Variants in ABCB10 observed in about 807,000 individuals in gnomAD.
ABCB10 encodes the protein ATP binding cassette subfamily B member 10, also known as ATP-binding cassette sub-family B member 10, mitochondrial.
ABCB10 carries 54 observed loss-of-function variants against 65.4 expected under a neutral mutation model. The observed-to-expected ratio is 0.83, with a 90% CI of 0.66 to 1.04. The LOEUF is 1.04. Among genes scored for constraint, ABCB10 ranks in the 50% least tolerant of loss-of-function variants. The pLI, the probability that ABCB10 is intolerant of heterozygous loss-of-function variation, is 0.00. For missense variants in ABCB10, 846 were observed against 976.6 expected (o/e 0.87, Z 1.78); for synonymous variants, 418 against 406.5 (o/e 1.03, Z -0.34).
chr1:229,555,048 A>G (rs943031976), intron 1 of ABCB10, among the ~76,000 whole-genome samples: 18 of 152,188 alleles, frequency 1.2e-4, no homozygotes, highest in Non-Finnish European at 2.2e-4. Flanking sequence ...TCCTCCACAC[A>G]GGCACCAACT....
At chr1:229,547,362 T>C in intron 3 of ABCB10, 137 bp downstream of exon 3, 1 of 917,286 alleles carries the variant, frequency 1.1e-6, no homozygotes, top group South Asian at 1.7e-5. Flanking sequence ...TTCCAGCAGC[T>C]TCTGCAACAG....
chr1:229,518,748 G>C, intron 12 of ABCB10, 93 bp downstream of exon 12: 1 of 1,093,474 alleles, frequency 9.1e-7, no homozygotes, highest in East Asian at 2.4e-5. Flanking sequence ...ATTTTCAGTT[G>C]TATCACTTTG....
At chr1:229,520,097 T>C (rs1325417640) in intron 11 of ABCB10, among the ~76,000 whole-genome samples, 1 of 151,970 alleles carries the variant, frequency 6.6e-6, no homozygotes, top group Non-Finnish European at 1.5e-5. Flanking sequence ...ATCACACCAC[T>C]GCACTCCAGC....
chr1:229,553,782 T>C (rs1209272806), intron 1 of ABCB10, among the ~76,000 whole-genome samples: 1 of 151,814 alleles, frequency 6.6e-6, no homozygotes, highest in Non-Finnish European at 1.5e-5. Context: ...GTTCTCCTTT[T>C]AAGCTCTGCC....
chr1:229,537,123 G>A lies in ABCB10; in HGVS notation c.1339+2333C>T, dbSNP rs115769030. Among the ~76,000 whole-genome samples the A allele has an allele frequency of 2.1e-3, 321 of 152,302 alleles. 2 individuals are homozygous for A. Among genetic ancestry groups the A allele is most frequent in the African/African-American group, 7.3e-3 (304 of 41,570 alleles). Reference sequence around the variant, plus strand: ...TACATAGAGACAGAAAGCAAACTTTGGTTGCCAGGAGCTGGCAGGAGGAAG... The same window carrying A: ...TACATAGAGACAGAAAGCAAACTTTAGTTGCCAGGAGCTGGCAGGAGGAAG... On this transcript the variant is annotated intron_variant, in intron 6 of 12. Coordinates refer to ENST00000344517, the MANE Select transcript of ABCB10 (RefSeq NM_012089.3).
In ABCB10 at chr1:229,531,633, C is replaced by T. The variant is rs759692222; in HGVS notation, c.1435+3G>A. The T allele has an allele frequency of 6.2e-7, 1 of 1,613,536 alleles. No individual in the cohort carries two copies. The highest frequency in any genetic ancestry group is 1.1e-5 in the South Asian group (1 of 91,048). ...CTAGCAAAGAAACAATTTTCAGACCCACCGTTAAAAGGCAGCTTGGGCTCT... is the reference window on the plus strand; with the variant it reads ...CTAGCAAAGAAACAATTTTCAGACCTACCGTTAAAAGGCAGCTTGGGCTCT... On this transcript the variant is annotated splice_donor_region_variant and intron_variant, in intron 7 of 12. Coordinates refer to ENST00000344517, the MANE Select transcript of ABCB10 (RefSeq NM_012089.3).
chr1:229,526,414 G>C (rs931469243), intron 9 of ABCB10, among the ~76,000 whole-genome samples: 13 of 152,158 alleles, frequency 8.5e-5, no homozygotes, highest in Admixed American at 8.5e-4. Flanking sequence ...GACAAAGCGG[G>C]GAATCCATCT....
intron 6 of ABCB10, among the ~76,000 whole-genome samples, chr1:229,538,211 G>A (rs142255483): frequency 5.9e-5 from 9 of 152,326 alleles, no homozygotes; most frequent in South Asian, 4.1e-4. Context: ...GAATTTGTCC[G>A]TTGTGAACAG....
Position 229,525,976 on chromosome 1 carries a change from C to T in ABCB10, c.1866G>A (p.Gly622=), listed in dbSNP as rs1444575985. 3 of 1,614,180 alleles carry T rather than the reference C, an allele frequency of 1.9e-6. No individual in the cohort carries two copies. The Admixed American group carries it at 5.0e-5, about 27-fold the overall frequency. ...CCTTTTCTCCAACCACAGTGTTGAA[C>T]CCTTGGGGGAAATTCCGGATGAAGG... ...AVAFIRNFPQ[G]FNTVVGEKGV... Residue 622 remains glycine, a synonymous_variant, in exon 10 of 13, where the codon GGG becomes GGA. Transcript: ENST00000344517.
rs1392297650 is a variant in ABCB10, at chr1:229,516,628, A to G, written c.*1551T>C. The G allele has an allele frequency of 1.3e-5, 2 of 152,214 alleles. No individual in the cohort carries two copies. Among genetic ancestry groups the G allele is most frequent in the African/African-American group, 4.8e-5 (2 of 41,472 alleles). The allele number at this position is 152,214 out of a possible 1,614,324, so 9.4% of individuals were successfully genotyped here. A position where few individuals can be genotyped will look rare whatever the true frequency, so the allele number is the denominator to read the frequency against. On this transcript the variant is annotated 3_prime_UTR_variant, in exon 13 of 13. Coordinates refer to ENST00000344517, the MANE Select transcript of ABCB10 (RefSeq NM_012089.3). ...ATCTATGATATAAAATATTACCTAA[A>G]GATAAAATTGAACATCATGTATCAG...
chr1:229,553,172 G>T (rs116604452), intron 1 of ABCB10, among the ~76,000 whole-genome samples: 5 of 151,872 alleles, frequency 3.3e-5, no homozygotes, highest in Non-Finnish European at 1.5e-5. Flanking sequence ...GTGCAATGGC[G>T]CAATCTCAGC....
chr1:229,548,586 C>T (rs1367450784), intron 2 of ABCB10, among the ~76,000 whole-genome samples: 1 of 152,080 alleles, frequency 6.6e-6, no homozygotes, highest in East Asian at 1.9e-4. Flanking sequence ...AAGCATGGGG[C>T]ATGTAAATGG....
intron 2 of ABCB10, 33 bp from the exon 3 acceptor site, chr1:229,547,734 G>T: frequency 6.2e-7 from 1 of 1,609,570 alleles, no homozygotes; most frequent in Non-Finnish European, 8.5e-7. Context: ...GCTCACCAAG[G>T]GTAAAGACAT....
intron 3 of ABCB10, among the ~76,000 whole-genome samples, chr1:229,542,881 A>T (rs556739899): frequency 3.9e-5 from 6 of 152,224 alleles, no homozygotes; most frequent in African/African-American, 1.4e-4. Flanking sequence ...CTGTAATCTC[A>T]GTACTTTGGG....
At chr1:229,551,365 CTTGT>C (rs977270251) in intron 1 of ABCB10, among the ~76,000 whole-genome samples, 5 of 152,190 alleles carry the variant, frequency 3.3e-5, no homozygotes, top group Non-Finnish European at 5.9e-5. Context: ...AAATGTTTCA[CTTGT>C]TTATTTAGTT....
chr1:229,528,257 T>C (rs1662489803), intron 8 of ABCB10, among the ~76,000 whole-genome samples: 3 of 152,192 alleles, frequency 2.0e-5, no homozygotes. Context: ...TTATTCATTG[T>C]GATGAAGAAA....
rs1279954746 is a variant in ABCB10, at chr1:229,558,537, G to C, written c.116C>G (p.Ser39Cys). Residue 39 changes from serine (S) to cysteine (C), a missense_variant, in exon 1 of 13, where the codon TCC becomes TGC. This residue lies in a region of ABCB10 where 214 missense variants were observed against 173.5 expected (regional missense o/e 1.23). Transcript: ENST00000344517. Reference protein sequence around the residue: ...VWAAASRVPGSLSPFTGLRPA... With the variant: ...VWAAASRVPGCLSPFTGLRPA... ...CCTCAGGCCAGTGAACGGCGATAGG[G>C]ACCCGGGAACGCGGCTGGCCGCGGC... is the stretch of plus-strand genomic sequence containing the variant. 21 of 1,438,902 alleles carry C rather than the reference G, an allele frequency of 1.5e-5. No individual in the cohort carries two copies. The East Asian group carries it at 2.2e-4, about 15-fold the overall frequency. 89.1% of individuals were successfully genotyped at this position (1,438,902 alleles called of 1,614,324 possible).
rs1314842046 is a variant in ABCB10, at chr1:229,516,928, G to A, written c.*1251C>T. ...CATGAAATAGTGGTTTCTTCTTCCA[G>A]TCTAATCAGGGAACTAATAAATGCT... On this transcript the variant is annotated 3_prime_UTR_variant, in exon 13 of 13. Transcript: ENST00000344517. 2 of 152,094 alleles carry A rather than the reference G, an allele frequency of 1.3e-5. No individual in the cohort carries two copies. The highest frequency in any genetic ancestry group is 1.5e-5 in the Non-Finnish European group (1 of 68,006). The allele number at this position is 152,094 out of a possible 1,614,324, so 9.4% of individuals were successfully genotyped here.
chr1:229,554,376 A>T (rs376031323), intron 1 of ABCB10, among the ~76,000 whole-genome samples: 15 of 152,280 alleles, frequency 9.9e-5, no homozygotes, highest in African/African-American at 3.6e-4. Context: ...CCATGCTATT[A>T]GCATGCTCTA....
Sources: gnomAD v4.1 joint callset for allele counts (sites outside exome capture counted in the v4.1 genomes callset) on GRCh38, gnomAD v4.1.1 for gene constraint, gnomAD v4.1.1 regional missense constraint, MANE v1.5 for transcripts, NCBI Gene and HGNC (gene_info 2026-07-23, HGNC 2026-07-21) for gene names.